The following FEZF2 variants were observed in gnomAD, a reference collection of about 807,000 sequenced individuals.
FEZF2 encodes the protein FEZ family zinc finger 2, also known as fez family zinc finger protein 2.
FEZF2 carries 2 observed loss-of-function variants against 32.8 expected under a neutral mutation model. The observed-to-expected ratio is 0.06, with a 90% CI of 0.02 to 0.19. The LOEUF is 0.19. Ranked by LOEUF, FEZF2 falls within the 10% of genes least tolerant of loss-of-function variation. The pLI is 1.00. For synonymous variants in FEZF2, 322 were observed against 284.8 expected, an observed-to-expected ratio of 1.13 and a Z score of -1.32; for missense variants, 516 against 625.4, an observed-to-expected ratio of 0.83 and a Z score of 1.87.
At position 62,370,380 on chromosome 3, in the gene FEZF2, A is replaced by G. The variant is rs546526213; in HGVS notation, c.1121-38T>C. 2 of 1,604,612 alleles carry G rather than the reference A, an allele frequency of 1.2e-6. No homozygotes were observed. The highest frequency in any genetic ancestry group is 1.7e-6 in the Non-Finnish European group (2 of 1,173,258). On this transcript the variant is annotated intron_variant, in intron 4 of 4. Coordinates refer to ENST00000283268, the MANE Select transcript of FEZF2 (RefSeq NM_018008.4). The surrounding 1 kb of genome is among the most constrained non-coding windows in gnomAD (Gnocchi z 4.2). ...AAGAACAAAAAACGTGGGGGTATGG[A>G]GTAGAATGGTGGGGAGGAAGAGGCG...
rs1212071936 is a variant in FEZF2 at position 62,369,953 on chromosome 3, G to A, written c.*130C>T. 5 of 1,175,218 alleles carry A rather than the reference G, an allele frequency of 4.3e-6. No individual in the cohort carries two copies. The highest frequency in any genetic ancestry group is 5.9e-5 in the Admixed American group (2 of 33,914). The allele number at this position is 1,175,218 out of a possible 1,614,324, so 72.8% of individuals were successfully genotyped here. ...GAAACATTTAGCTTTCCAAAAATAT[G>A]CTGGTTTCGATAAATAGATTTTAGC... On this transcript the variant is annotated 3_prime_UTR_variant, in exon 5 of 5. Coordinates refer to ENST00000283268, the MANE Select transcript of FEZF2 (RefSeq NM_018008.4). This position sits in a 1 kb window ranked among gnomAD's most constrained non-coding sequence, Gnocchi z 4.2.
Position 62,370,205 on chromosome 3 carries a change from C to T in FEZF2, c.1258G>A (p.Ala420Thr), listed in dbSNP as rs1202153149. Residue 420 changes from alanine to threonine, a missense_variant, in exon 5 of 5, where the codon GCC (alanine) becomes ACC (threonine). Transcript: ENST00000283268. The surrounding 1 kb of genome is among the most constrained non-coding windows in gnomAD (Gnocchi z 4.2). ...THNDKKPFTC[A>T]TCGKGFCRNF... ...CTGCAAAACCCTTTGCCGCAAGTGG[C>T]GCACGTGAAAGGCTTCTTGTCGTTG... 7 of 1,613,974 alleles carry T rather than the reference C, an allele frequency of 4.3e-6. No homozygotes were observed. The African/African-American group carries it at 6.7e-5, about 15-fold the overall frequency.
At chr3:62,371,393 G>C in intron 3 of FEZF2, 44 bp from the exon 4 acceptor site, 1 of 1,598,536 alleles carries the variant, frequency 6.3e-7, no homozygotes, top group South Asian at 1.1e-5. Flanking sequence ...GCCACCTCGG[G>C]AACACCTGGA....
chr3:62,372,539 ACCGCCGCCGCCGCCTCCG>A lies in FEZF2; in HGVS notation c.312_329del (p.Gly112_Gly117del), dbSNP rs768105723. 1.6e-5 allele frequency: 21 copies of A among 1,303,176 alleles called. 2 individuals are homozygous for A. The highest frequency in any genetic ancestry group is 2.0e-5 in the Non-Finnish European group (20 of 1,022,478). 80.7% of individuals were successfully genotyped at this position (1,303,176 alleles called of 1,614,324 possible). ...GGGCCCCCCCGCCGCCGCCGCCGCCACCGCCGCCGCCGCCTCCGCCGCCGCCCGCCCGGAGGCTGCTTT... is the reference window on the plus strand; with the variant it reads ...GGGCCCCCCCGCCGCCGCCGCCGCCACCGCCGCCCGCCCGGAGGCTGCTTT... On this transcript the variant is annotated inframe_deletion, in exon 2 of 5. Coordinates refer to ENST00000283268, the MANE Select transcript of FEZF2 (RefSeq NM_018008.4). The surrounding 1 kb of genome is among the most constrained non-coding windows in gnomAD (Gnocchi z 9.6).
Position 62,372,876 on chromosome 3 carries a change from G to A in FEZF2, c.-8C>T. On this transcript the variant is annotated 5_prime_UTR_variant, in exon 2 of 5. Transcript: ENST00000283268. The surrounding 1 kb of genome is among the most constrained non-coding windows in gnomAD (Gnocchi z 9.6). Reference sequence around the variant, plus strand: ...GGAAGCCGAGCTTGCCATGGCGCGCGGAGCTGAGCCGAGCCAGGCTGGGCC... The same window carrying A: ...GGAAGCCGAGCTTGCCATGGCGCGCAGAGCTGAGCCGAGCCAGGCTGGGCC... The A allele has an allele frequency of 7.1e-7, 1 of 1,404,498 alleles. No individual in the cohort carries two copies. The highest frequency in any genetic ancestry group is 9.3e-7 in the Non-Finnish European group (1 of 1,071,356). 87.0% of individuals were successfully genotyped at this position (1,404,498 alleles called of 1,614,324 possible). A position where few individuals can be genotyped will look rare whatever the true frequency, so the allele number is the denominator to read the frequency against.
At position 62,373,487 on chromosome 3, in the gene FEZF2, C is replaced by A. The variant is rs1704306424; in HGVS notation, c.-267G>T. 1.3e-5 allele frequency: 2 copies of A among 152,592 alleles called. No individual in the cohort carries two copies. The highest frequency in any genetic ancestry group is 4.1e-4 in the South Asian group (2 of 4,826). 9.5% of individuals were successfully genotyped at this position (152,592 alleles called of 1,614,324 possible). A position where few individuals can be genotyped will look rare whatever the true frequency, so the allele number is the denominator to read the frequency against. ...GTGTTCCCCCGCGCCTGCCGGCCGC[C>A]GCCACCACCGCCCCTCAAACTTTAA... On this transcript the variant is annotated 5_prime_UTR_variant, in exon 1 of 5. Transcript: ENST00000283268. This position sits in a 1 kb window ranked among gnomAD's most constrained non-coding sequence, Gnocchi z 5.5.
chr3:62,371,380 G>T (rs369521613), intron 3 of FEZF2, 31 bp from the exon 4 acceptor site: 3 of 1,606,112 alleles, frequency 1.9e-6, no homozygotes, highest in Non-Finnish European at 2.6e-6. Context: ...ACAGTAAGGA[G>T]AGGCCACCTC....
In FEZF2 at chr3:62,373,401, C is replaced by T. The variant is rs1029499192; in HGVS notation, c.-181G>A. On this transcript the variant is annotated 5_prime_UTR_variant, in exon 1 of 5. It removes the in-frame stop codon of an upstream open reading frame in the 5' UTR. Coordinates refer to ENST00000283268, the MANE Select transcript of FEZF2 (RefSeq NM_018008.4). The surrounding 1 kb of genome is among the most constrained non-coding windows in gnomAD (Gnocchi z 5.5). ...ACTGTCTTTTACATTCAGCTGACATCACATGAAGTCACTTGAAGTGGAATG... is the reference window on the plus strand; with the variant it reads ...ACTGTCTTTTACATTCAGCTGACATTACATGAAGTCACTTGAAGTGGAATG... The T allele has an allele frequency of 6.5e-6, 1 of 152,896 alleles. No homozygotes were observed. The highest frequency in any genetic ancestry group is 2.4e-5 in the African/African-American group (1 of 41,466). 9.5% of individuals were successfully genotyped at this position (152,896 alleles called of 1,614,324 possible).
At chr3:62,371,102 C>G in intron 4 of FEZF2, 115 bp downstream of exon 4, 2 of 1,486,212 alleles carry the variant, frequency 1.3e-6, no homozygotes, top group Non-Finnish European at 1.9e-6. Context: ...AATGCTGCGC[C>G]CGCGCCTGCA....
chr3:62,372,527 G>T lies in FEZF2; in HGVS notation c.342C>A (p.Gly114=), dbSNP rs1204455508. The T allele has an allele frequency of 3.1e-6, 4 of 1,297,712 alleles. No individual in the cohort carries two copies. In the African/African-American group the frequency reaches 4.6e-5, roughly 15 times the overall value. 80.4% of individuals were successfully genotyped at this position (1,297,712 alleles called of 1,614,324 possible). A position where few individuals can be genotyped will look rare whatever the true frequency, so the allele number is the denominator to read the frequency against. ...CGCCGCACACTGGGGCCCCCCCGCC[G>T]CCGCCGCCGCCACCGCCGCCGCCGC... The part of the protein sequence containing the change: ...GGGGGGGGGG[G]GGGAPVCGAS... The change falls in exon 2 of 5, where the codon GGC becomes GGA. Residue 114 remains glycine (G), a synonymous_variant. Coordinates refer to ENST00000283268, the MANE Select transcript of FEZF2 (RefSeq NM_018008.4). This position sits in a 1 kb window ranked among gnomAD's most constrained non-coding sequence, Gnocchi z 9.6.
At position 62,371,432 on chromosome 3, in the gene FEZF2, C is replaced by A. The variant is rs562671425; in HGVS notation, c.988-83G>T. ...GACATCCCCCCCACCCCCACTCAAC[C>A]CTAGAGGGTAAGGGATAATCTTTGG... On this transcript the variant is annotated intron_variant, in intron 3 of 4. Coordinates refer to ENST00000283268, the MANE Select transcript of FEZF2 (RefSeq NM_018008.4). 285 of 1,582,722 alleles carry A rather than the reference C, an allele frequency of 1.8e-4. 5 individuals are homozygous for A. In the South Asian group the frequency reaches 3.1e-3, roughly 17 times the overall value.
chr3:62,371,751 C>G (rs1198163526), intron 2 of FEZF2, 84 bp from the exon 3 acceptor site: 1 of 1,526,970 alleles, frequency 6.5e-7, no homozygotes, highest in Non-Finnish European at 8.8e-7. Context: ...CTACCTCCCC[C>G]AACCAACACC....
At position 62,370,450 on chromosome 3, in the gene FEZF2, C is replaced by T. The variant is rs1164723343; in HGVS notation, c.1121-108G>A. The stretch of plus-strand genomic sequence containing the variant: ...AGGTGCCTGCTCAAAAAAGGCGACG[C>T]TTGGCTAGGCGGGCGCGACCTCTTC... On this transcript the variant is annotated intron_variant, in intron 4 of 4. Coordinates refer to ENST00000283268, the MANE Select transcript of FEZF2 (RefSeq NM_018008.4). This position sits in a 1 kb window ranked among gnomAD's most constrained non-coding sequence, Gnocchi z 4.2. The T allele has an allele frequency of 2.5e-6, 3 of 1,206,058 alleles. No individual in the cohort carries two copies. The highest frequency in any genetic ancestry group is 2.1e-5 in the Admixed American group (1 of 46,596). The allele number at this position is 1,206,058 out of a possible 1,614,324, so 74.7% of individuals were successfully genotyped here.
Position 62,372,196 on chromosome 3 carries a change from T to C in FEZF2, c.673A>G (p.Lys225Glu). 6.3e-7 allele frequency: 1 copy of C among 1,578,692 alleles called. No individual in the cohort carries two copies. The highest frequency in any genetic ancestry group is 8.6e-7 in the Non-Finnish European group (1 of 1,161,976). Residue 225 changes from lysine (K) to glutamate (E), a missense_variant, in exon 2 of 5, where the codon AAG becomes GAG. By Grantham distance (56) the Lys-to-Glu change is moderately conservative (BLOSUM62 1). Coordinates refer to ENST00000283268, the MANE Select transcript of FEZF2 (RefSeq NM_018008.4). The surrounding 1 kb of genome is among the most constrained non-coding windows in gnomAD (Gnocchi z 9.6). ...GGATAGGGAGCCGGGTGGGGGAACT[T>C]GTCCGCAGCCAGGCCGGCCAGCTTG... is the stretch of plus-strand genomic sequence containing the variant. Reference protein sequence around the residue: ...NAKLAGLAADKFPHPAPYPHK... With the variant: ...NAKLAGLAADEFPHPAPYPHK...
chr3:62,371,978 C>A, intron 2 of FEZF2, 39 bp downstream of exon 2: 3 of 1,585,346 alleles, frequency 1.9e-6, no homozygotes, highest in South Asian at 1.1e-5. Flanking sequence ...CGCCGCCGAT[C>A]GCCCCTCCCG....
At position 62,372,784 on chromosome 3, in the gene FEZF2, C is replaced by T. The variant is rs1357615633; in HGVS notation, c.85G>A (p.Ala29Thr). The change falls in exon 2 of 5, where the codon GCC (alanine) becomes ACC (threonine). Residue 29 changes from alanine to threonine, a missense_variant. Ala to Thr is a moderately conservative substitution (Grantham distance 58, BLOSUM62 0). Coordinates refer to ENST00000283268, the MANE Select transcript of FEZF2 (RefSeq NM_018008.4). This position sits in a 1 kb window ranked among gnomAD's most constrained non-coding sequence, Gnocchi z 9.6. ...GCCATGATGCGCTCGATGGAAAAGG[C>T]CAGTGTCTTGGAAGTGGCCGGCGAC... Reference protein sequence around the residue: ...GASPATSKTLAFSIERIMAKT... With the variant: ...GASPATSKTLTFSIERIMAKT... 1 of 1,596,306 alleles carries T rather than the reference C, an allele frequency of 6.3e-7. No individual in the cohort carries two copies. Among genetic ancestry groups the T allele is most frequent in the Non-Finnish European group, 8.5e-7 (1 of 1,171,054 alleles).
Position 62,371,634 on chromosome 3 carries a change from T to G in FEZF2, c.886A>C (p.Met296Leu). 1 of 1,613,964 alleles carries G rather than the reference T, an allele frequency of 6.2e-7. No individual in the cohort carries two copies. The change falls in exon 3 of 5, where the codon ATG (methionine) becomes CTG (leucine). Residue 296 changes from methionine (M) to leucine (L), a missense_variant. Met to Leu is a conservative substitution (Grantham distance 15). Coordinates refer to ENST00000283268, the MANE Select transcript of FEZF2 (RefSeq NM_018008.4). ...GGTCTGGCTCCGGTGTGGACCGGCATGTGGCGGGTGAGATTATAGTGAGCG... is the reference window on the plus strand; with the variant it reads ...GGTCTGGCTCCGGTGTGGACCGGCAGGTGGCGGGTGAGATTATAGTGAGCG... ...FNAHYNLTRH[M>L]PVHTGARPFV... is the part of the protein sequence containing the mutation.
Position 62,372,191 on chromosome 3 carries a change from G to C in FEZF2, c.678C>G (p.Phe226Leu). 6.3e-7 allele frequency: 1 copy of C among 1,579,066 alleles called. No homozygotes were observed. Among genetic ancestry groups the C allele is most frequent in the Non-Finnish European group, 8.6e-7 (1 of 1,162,202 alleles). The change falls in exon 2 of 5, where the codon TTC becomes TTG. Residue 226 changes from phenylalanine to leucine, a missense_variant. Coordinates refer to ENST00000283268, the MANE Select transcript of FEZF2 (RefSeq NM_018008.4). This position sits in a 1 kb window ranked among gnomAD's most constrained non-coding sequence, Gnocchi z 9.6. ...TATGGGGATAGGGAGCCGGGTGGGGGAACTTGTCCGCAGCCAGGCCGGCCA... is the reference window on the plus strand; with the variant it reads ...TATGGGGATAGGGAGCCGGGTGGGGCAACTTGTCCGCAGCCAGGCCGGCCA... The part of the protein sequence containing the change: ...AKLAGLAADK[F>L]PHPAPYPHKE...
chr3:62,371,410 A>G, intron 3 of FEZF2, 61 bp from the exon 4 acceptor site: 1 of 1,589,116 alleles, frequency 6.3e-7, no homozygotes, highest in Non-Finnish European at 8.6e-7. Context: ...TGGAAGGGAC[A>G]TCCCCCCCAC....
Sources: allele counts gnomAD v4.1 joint callset, GRCh38; gene constraint gnomAD v4.1.1; non-coding constraint Gnocchi (gnomAD v3.1); transcripts MANE v1.5; gene names NCBI Gene and HGNC (gene_info 2026-07-23, HGNC 2026-07-21).